Variants in PACRGL observed in about 807,000 individuals in gnomAD.
The protein encoded by PACRGL is parkin coregulated like.
PACRGL carries 38 observed loss-of-function variants against 34.5 expected under a neutral mutation model. That is an observed-to-expected ratio of 1.10 (90% CI 0.85 to 1.44). The LOEUF (loss-of-function observed/expected upper bound fraction) is 1.44. Among genes scored for constraint, PACRGL ranks in the 40% most tolerant of loss-of-function variants. PACRGL has a pLI of 0.00. For missense variants in PACRGL, 305 were observed against 281.4 expected (o/e 1.08, Z -0.60); for synonymous variants, 128 against 100.1 (o/e 1.28, Z -1.66).
intron 3 of PACRGL, among the ~76,000 whole-genome samples, 179 bp from the exon 4 acceptor site, chr4:20,707,624 A>T (rs1735123015): frequency 1.3e-5 from 2 of 152,058 alleles, no homozygotes. Context: ...GGAAAAAGAG[A>T]TGTACCAAGT....
chr4:20,744,536 A>G (rs915450196), intron 8 of PACRGL, among the ~76,000 whole-genome samples: 1 of 151,624 alleles, frequency 6.6e-6, no homozygotes, highest in Non-Finnish European at 1.5e-5. Context: ...CAAACACCGC[A>G]TGTTCTCACT....
chr4:20,729,440 TATTAGGCATATGCTGATATCTGATAA>T lies in PACRGL; in HGVS notation c.*2100_*2125del, dbSNP rs2149239024. 6.7e-6 allele frequency: 1 copy of T among 148,370 alleles called. No individual in the cohort carries two copies. Among genetic ancestry groups the T allele is most frequent in the East Asian group, 2.0e-4 (1 of 5,044 alleles). The allele number at this position is 148,370 out of a possible 1,614,324, so 9.2% of individuals were successfully genotyped here. On this transcript the variant is annotated 3_prime_UTR_variant, in exon 9 of 9. Coordinates refer to ENST00000503585, the MANE Select transcript of PACRGL (RefSeq NM_001258345.3). ...ATTAAATGCTTATTAAAATAAGTTT[TATTAGGCATATGCTGATATCTGATAA>T]TAAACTAATTTTTAAATGTTTAATA...
At chr4:20,739,011 G>A (rs1442941732) in intron 8 of PACRGL, among the ~76,000 whole-genome samples, 1 of 152,154 alleles carries the variant, frequency 6.6e-6, no homozygotes, top group Non-Finnish European at 1.5e-5. Flanking sequence ...GTCCGAGATC[G>A]AACTGCAAGG....
At chr4:20,734,695 A>G (rs770017865), downstream of PACRGL, 6 of 1,601,882 alleles carry the variant, frequency 3.7e-6, no homozygotes. Flanking sequence ...TTTTTCTTGT[A>G]CTGTCCCCCG....
chr4:20,698,432 G>A (rs747923996), upstream of PACRGL, among the ~76,000 whole-genome samples: 10 of 151,812 alleles, frequency 6.6e-5, no homozygotes, highest in Admixed American at 1.3e-4. Context: ...TACTCCTATC[G>A]CCCAACTCAG....
At position 20,730,832 on chromosome 4, in the gene PACRGL, T is replaced by A. The variant is rs1747939906; in HGVS notation, c.*3491T>A. On this transcript the variant is annotated 3_prime_UTR_variant, in exon 9 of 9. Transcript: ENST00000503585. ...TTGTCAGTTGCATGTGAATAGCACT[T>A]ACTGAGCTGTTTATGGTAGTGGTAA... 6.6e-6 allele frequency among the ~76,000 whole-genome samples: 1 copy of A among 152,146 alleles called. No homozygotes were observed. Among genetic ancestry groups the A allele is most frequent in the African/African-American group, 2.4e-5 (1 of 41,434 alleles).
intron 5 of PACRGL, among the ~76,000 whole-genome samples, chr4:20,711,648 A>G (rs1737261936): frequency 6.6e-6 from 1 of 152,194 alleles, no homozygotes; most frequent in African/African-American, 2.4e-5. Context: ...TTCTTCATAG[A>G]TAATTAGTCA....
downstream of PACRGL, among the ~76,000 whole-genome samples, chr4:20,733,734 G>T (rs1159414013): frequency 6.6e-6 from 1 of 152,098 alleles, no homozygotes; most frequent in Non-Finnish European, 1.5e-5. Flanking sequence ...CACTATTTAG[G>T]ATATGCTCCA....
rs1747074331 is a variant in PACRGL, at chr4:20,729,223, T to TACTATATACTGGAGGATAGATATCCTG, written c.*1885_*1911dup. 1 of 152,008 alleles carries TACTATATACTGGAGGATAGATATCCTG rather than the reference T, an allele frequency of 6.6e-6. No homozygotes were observed. The highest frequency in any genetic ancestry group is 1.5e-5 in the Non-Finnish European group (1 of 67,934). The allele number at this position is 152,008 out of a possible 1,614,324, so 9.4% of individuals were successfully genotyped here. A position where few individuals can be genotyped will look rare whatever the true frequency, so the allele number is the denominator to read the frequency against. On this transcript the variant is annotated 3_prime_UTR_variant, in exon 9 of 9. Transcript: ENST00000503585. The stretch of plus-strand genomic sequence containing the variant: ...GTTAGGATTACTTGTTATTAAGCAT[T>TACTATATACTGGAGGATAGATATCCTG]ACTATATACTGGAGGATAGATATCC...
intron 8 of PACRGL, among the ~76,000 whole-genome samples, chr4:20,739,672 T>C (rs988116070): frequency 6.6e-6 from 1 of 152,016 alleles, no homozygotes; most frequent in Non-Finnish European, 1.5e-5. Flanking sequence ...AGTGTAAAAA[T>C]CAGAGAACCT....
In PACRGL at chr4:20,700,651, G is replaced by A. The variant is rs1436796524; in HGVS notation, c.-153G>A. The stretch of plus-strand genomic sequence containing the variant: ...TCTGCGCTCTCTGCCAAGCCGGCTT[G>A]CTTCCTGATCTGTTGCTAGGGCCGC... On this transcript the variant is annotated 5_prime_UTR_variant, in exon 1 of 9. Coordinates refer to ENST00000503585, the MANE Select transcript of PACRGL (RefSeq NM_001258345.3). 1 of 152,120 alleles carries A rather than the reference G, an allele frequency of 6.6e-6. No individual in the cohort carries two copies. Among genetic ancestry groups the A allele is most frequent in the Non-Finnish European group, 1.5e-5 (1 of 68,080 alleles). 9.4% of individuals were successfully genotyped at this position (152,120 alleles called of 1,614,324 possible). A position where few individuals can be genotyped will look rare whatever the true frequency, so the allele number is the denominator to read the frequency against.
Position 20,715,970 on chromosome 4 carries a change from T to A in PACRGL, c.609+2431T>A, listed in dbSNP as rs903550661. On this transcript the variant is annotated intron_variant, in intron 7 of 8. Coordinates refer to ENST00000503585, the MANE Select transcript of PACRGL (RefSeq NM_001258345.3). ...TAAGCAGTGCCCATACACTGTCTTGTGTAATTATATGTTACCAAACATGTT... is the reference window on the plus strand; with the variant it reads ...TAAGCAGTGCCCATACACTGTCTTGAGTAATTATATGTTACCAAACATGTT... 7 of 722,952 alleles carry A rather than the reference T, an allele frequency of 9.7e-6. No individual in the cohort carries two copies. The South Asian group carries it at 1.4e-4, about 14-fold the overall frequency. The allele number at this position is 722,952 out of a possible 1,614,324, so 44.8% of individuals were successfully genotyped here.
rs1461681578 is a variant in PACRGL at position 20,727,971 on chromosome 4, G to C, written c.*630G>C. 1.3e-5 allele frequency: 2 copies of C among 152,338 alleles called. No homozygotes were observed. Among genetic ancestry groups the C allele is most frequent in the Non-Finnish European group, 2.9e-5 (2 of 68,232 alleles). The allele number at this position is 152,338 out of a possible 1,614,324, so 9.4% of individuals were successfully genotyped here. A position where few individuals can be genotyped will look rare whatever the true frequency, so the allele number is the denominator to read the frequency against. The stretch of plus-strand genomic sequence containing the variant: ...GCCCAGCTAATTTTGAAATTTGCTT[G>C]TAGAGATGGGATCTCACTCTGTTGT... On this transcript the variant is annotated 3_prime_UTR_variant, in exon 9 of 9. Transcript: ENST00000503585.
intron 8 of PACRGL, among the ~76,000 whole-genome samples, chr4:20,737,915 T>G (rs1372341810): frequency 1.3e-5 from 2 of 152,132 alleles, no homozygotes; most frequent in Non-Finnish European, 2.9e-5. Flanking sequence ...GAAGGTTGTT[T>G]GAGTCCAAGA....
chr4:20,735,966 C>G (rs923191987), downstream of PACRGL, among the ~76,000 whole-genome samples: 1 of 152,182 alleles, frequency 6.6e-6, no homozygotes, highest in Non-Finnish European at 1.5e-5. Context: ...CATTATATCT[C>G]CCTTTCTCAC....
intron 8 of PACRGL, among the ~76,000 whole-genome samples, chr4:20,750,582 C>T (rs1045491185): frequency 1.3e-5 from 2 of 152,078 alleles, no homozygotes; most frequent in African/African-American, 4.8e-5. Context: ...TCCTTCCTTC[C>T]TTTCCTGTTT....
At chr4:20,742,812 A>T (rs1364591895) in intron 8 of PACRGL, among the ~76,000 whole-genome samples, 1 of 152,242 alleles carries the variant, frequency 6.6e-6, no homozygotes, top group Non-Finnish European at 1.5e-5. Context: ...ATATTTAGAA[A>T]ACCCTGTCGT....
Position 20,730,037 on chromosome 4 carries a change from G to GA in PACRGL, c.*2698dup, listed in dbSNP as rs745686674. On this transcript the variant is annotated 3_prime_UTR_variant, in exon 9 of 9. Coordinates refer to ENST00000503585, the MANE Select transcript of PACRGL (RefSeq NM_001258345.3). ...GGTAGCTCCAACTTTAAGGGTGGTA[G>GA]AATAGTTCACATTTGTCTGTTGGAT... is the stretch of plus-strand genomic sequence containing the variant. 1.9e-6 allele frequency: 3 copies of GA among 1,585,486 alleles called. No homozygotes were observed. The East Asian group carries it at 6.8e-5, about 36-fold the overall frequency.
intron 8 of PACRGL, among the ~76,000 whole-genome samples, chr4:20,749,371 G>A (rs544446307): frequency 1.3e-5 from 2 of 152,206 alleles, no homozygotes; most frequent in South Asian, 2.1e-4. Context: ...CCCATAAGGA[G>A]GTGTCAGTAA....
Sources: allele counts gnomAD v4.1 joint callset (sites outside exome capture counted in the v4.1 genomes callset), GRCh38; gene constraint gnomAD v4.1.1; transcripts MANE v1.5; gene names NCBI Gene and HGNC (gene_info 2026-07-23, HGNC 2026-07-21).